The following SWT1 variants were observed in gnomAD, a reference collection of about 807,000 sequenced individuals.
SWT1 encodes the protein transcriptional protein SWT1.
SWT1 carries 33 observed loss-of-function variants against 107.3 expected under a neutral mutation model. The ratio of observed to expected loss-of-function variants is 0.31; its 90% confidence interval spans 0.23 to 0.41. The LOEUF (loss-of-function observed/expected upper bound fraction) is 0.41, where lower values mean the gene tolerates loss of function less well. SWT1 is among the 10% of genes least tolerant of loss of function. SWT1 has a pLI of 1.00. For synonymous variants in SWT1, 345 were observed against 348.3 expected, an observed-to-expected ratio of 0.99 and a Z score of 0.11; for missense variants, 898 against 1,028.9, an observed-to-expected ratio of 0.87 and a Z score of 1.74.
chr1:185,221,165 G>T (rs1173086777), intron 14 of SWT1, among the ~76,000 whole-genome samples: 1 of 151,840 alleles, frequency 6.6e-6, no homozygotes, highest in Admixed American at 6.6e-5. Context: ...AATGTCTTGG[G>T]GTCTCCCTCA....
chr1:185,196,900 A>G (rs1187841891), intron 10 of SWT1, among the ~76,000 whole-genome samples: 1 of 152,192 alleles, frequency 6.6e-6, no homozygotes, highest in Non-Finnish European at 1.5e-5. Context: ...ATCTGCAAAT[A>G]GAGACAATTT....
rs1249221552 is a variant in SWT1, at chr1:185,281,005, G to A, written c.2573+4337G>A. 5 of 359,304 alleles carry A rather than the reference G, an allele frequency of 1.4e-5. No homozygotes were observed. The East Asian group carries it at 3.9e-4, about 28-fold the overall frequency. The allele number at this position is 359,304 out of a possible 1,614,324, so 22.3% of individuals were successfully genotyped here. On this transcript the variant is annotated intron_variant, in intron 18 of 18. Coordinates refer to ENST00000367500, the MANE Select transcript of SWT1 (RefSeq NM_017673.7). ...TACTTGATATGTCCAAGAGTTTTCA[G>A]TCCCTTTTTATGATGATGACTAAGT...
chr1:185,233,369 T>A (rs1172963375), intron 16 of SWT1, among the ~76,000 whole-genome samples: 2 of 152,232 alleles, frequency 1.3e-5, no homozygotes, highest in Non-Finnish European at 2.9e-5. Flanking sequence ...CTCTTGCTTC[T>A]CTACTTCTTT....
intron 16 of SWT1, among the ~76,000 whole-genome samples, chr1:185,265,380 T>C: frequency 6.6e-6 from 1 of 152,210 alleles, no homozygotes; most frequent in East Asian, 1.9e-4. Flanking sequence ...TAATTTTAGT[T>C]TTACTTGTAA....
chr1:185,239,610 C>G (rs993131370), intron 16 of SWT1, among the ~76,000 whole-genome samples: 1 of 151,998 alleles, frequency 6.6e-6, no homozygotes, highest in Admixed American at 6.6e-5. Context: ...CTTCTCTCCT[C>G]ATCTTTTCTT....
At chr1:185,192,624 T>C (rs1339008472) in intron 10 of SWT1, among the ~76,000 whole-genome samples, 3 of 151,204 alleles carry the variant, frequency 2.0e-5, no homozygotes, top group East Asian at 1.9e-4. Flanking sequence ...CCTGTTAATA[T>C]AGAGAACACG....
chr1:185,227,243 T>G lies in SWT1; in HGVS notation c.2310-4334T>G, dbSNP rs12089852. On this transcript the variant is annotated intron_variant, in intron 15 of 18. Transcript: ENST00000367500. ...TAAAAACTTTATTGCCAGTGGTAAT[T>G]CTGGCAAGACCTGCATCCAAATAGC... is the stretch of plus-strand genomic sequence containing the variant. 1.4e-5 allele frequency: 11 copies of G among 774,922 alleles called. No homozygotes were observed. The African/African-American group carries it at 1.5e-4, about 11-fold the overall frequency. 48.0% of individuals were successfully genotyped at this position (774,922 alleles called of 1,614,324 possible). A position where few individuals can be genotyped will look rare whatever the true frequency, so the allele number is the denominator to read the frequency against.
chr1:185,178,278 CTA>C (rs796096813), intron 5 of SWT1, among the ~76,000 whole-genome samples: 34 of 151,998 alleles, frequency 2.2e-4, no homozygotes, highest in African/African-American at 8.2e-4. Context: ...GTCAGTATGA[CTA>C]GAGTCAAGAT....
At chr1:185,276,408 A>G (rs1664241997) in intron 17 of SWT1, among the ~76,000 whole-genome samples, 196 bp from the exon 18 acceptor site, 1 of 152,156 alleles carries the variant, frequency 6.6e-6, no homozygotes, top group Non-Finnish European at 1.5e-5. Context: ...TTAAGATATA[A>G]TAGTGGGATT....
intron 1 of SWT1, among the ~76,000 whole-genome samples, chr1:185,158,585 C>T (rs1653859167): frequency 6.7e-6 from 1 of 149,950 alleles, no homozygotes; most frequent in African/African-American, 2.5e-5. Flanking sequence ...AAGCTAGATT[C>T]AGTATGTTAA....
At chr1:185,175,249 G>T (rs1015981870) in intron 5 of SWT1, 136 bp downstream of exon 5, 6 of 778,382 alleles carry the variant, frequency 7.7e-6, no homozygotes, top group African/African-American at 7.4e-5. Flanking sequence ...TTGAGACAGG[G>T]TCTCACTCCG....
chr1:185,284,276 C>T (rs1664817212), intron 18 of SWT1, among the ~76,000 whole-genome samples: 1 of 152,156 alleles, frequency 6.6e-6, no homozygotes, highest in Admixed American at 6.5e-5. Flanking sequence ...AATGTCTATT[C>T]AAGCCCTTTG....
chr1:185,181,302 T>G (rs935016385), intron 6 of SWT1, among the ~76,000 whole-genome samples: 1 of 152,188 alleles, frequency 6.6e-6, no homozygotes, highest in African/African-American at 2.4e-5. Context: ...CTATATTAAT[T>G]GATTTTTATT....
chr1:185,245,745 C>T (rs149679207), intron 16 of SWT1, among the ~76,000 whole-genome samples: 1 of 151,788 alleles, frequency 6.6e-6, no homozygotes, highest in South Asian at 2.1e-4. Context: ...TAATTTTTTT[C>T]CACTCTTGCT....
intron 18 of SWT1, among the ~76,000 whole-genome samples, chr1:185,280,239 C>G (rs1664533683): frequency 6.6e-6 from 1 of 152,168 alleles, no homozygotes; most frequent in Non-Finnish European, 1.5e-5. Flanking sequence ...AAAGAAGGTG[C>G]CTTGCTTCCC....
chr1:185,176,125 C>CA (rs1411956663), intron 5 of SWT1, among the ~76,000 whole-genome samples: 2 of 151,326 alleles, frequency 1.3e-5, no homozygotes, highest in Non-Finnish European at 3.0e-5. Context: ...CGGGTCTCAA[C>CA]AAAAACATAA....
At chr1:185,276,722 C>A in intron 18 of SWT1, 54 bp downstream of exon 18, 1 of 958,572 alleles carries the variant, frequency 1.0e-6, no homozygotes, top group Non-Finnish European at 1.6e-6. Flanking sequence ...TTTCCATATA[C>A]AGCAGCACTT....
intron 17 of SWT1, among the ~76,000 whole-genome samples, chr1:185,274,245 A>G (rs1664084518): frequency 6.7e-6 from 1 of 148,858 alleles, no homozygotes; most frequent in South Asian, 2.1e-4. Flanking sequence ...TATGTTGTAT[A>G]TATTATATAT....
At chr1:185,290,451 G>C (rs1303813474) in intron 18 of SWT1, among the ~76,000 whole-genome samples, 1 of 151,970 alleles carries the variant, frequency 6.6e-6, no homozygotes, top group African/African-American at 2.4e-5. Flanking sequence ...TAAAAATGTA[G>C]ATTTTACATG....
Sources: allele counts gnomAD v4.1 joint callset (sites outside exome capture counted in the v4.1 genomes callset), GRCh38; gene constraint gnomAD v4.1.1; transcripts MANE v1.5; gene names NCBI Gene and HGNC (gene_info 2026-07-23, HGNC 2026-07-21).